The following C17orf78 variants were observed in gnomAD, a reference collection of about 807,000 sequenced individuals.
C17orf78 encodes the protein chromosome 17 open reading frame 78, also known as uncharacterized protein C17orf78.
C17orf78 carries 27 observed loss-of-function variants against 31.8 expected under a neutral mutation model. That is an observed-to-expected ratio of 0.85 (90% CI 0.63 to 1.17). The LOEUF (loss-of-function observed/expected upper bound fraction) is 1.17. C17orf78 is among the 50% of genes most tolerant of loss of function. The probability of loss-of-function intolerance (pLI) is 0.00; values close to 1 mark genes in which losing one functional copy is unlikely to be tolerated. For missense variants in C17orf78, 258 were observed against 315.2 expected (o/e 0.82, Z 1.37); for synonymous variants, 106 against 115.1 (o/e 0.92, Z 0.51).
chr17:37,388,677 T>C lies in C17orf78; in HGVS notation c.516T>C (p.Asp172=). The part of the protein sequence containing the change: ...EGEKTTSTDT[D]ENLEKRQKWS... ...CTCCCCTCTCTCCTTTAGACACAGA[T>C]GAGAACCTAGAGAAGAGACAGAAAT... The change falls in exon 5 of 7, where the codon GAT becomes GAC. Residue 172 remains aspartate, a synonymous_variant. Transcript: ENST00000615133. 6.2e-7 allele frequency: 1 copy of C among 1,611,732 alleles called. No homozygotes were observed. The highest frequency in any genetic ancestry group is 1.1e-5 in the South Asian group (1 of 90,728).
At chr17:37,380,366 G>A (rs1027344585) in intron 3 of C17orf78, among the ~76,000 whole-genome samples, 1 of 151,394 alleles carries the variant, frequency 6.6e-6, no homozygotes, top group African/African-American at 2.4e-5. Flanking sequence ...CATGGCACAT[G>A]TATACATATG....
At chr17:37,385,534 C>T (rs115557453) in intron 3 of C17orf78, among the ~76,000 whole-genome samples, 161 of 152,064 alleles carry the variant, frequency 1.1e-3, no homozygotes, top group African/African-American at 3.7e-3. Flanking sequence ...GTGGCTTTTC[C>T]TTCTTCCAGC....
rs1362168147 is a variant in C17orf78 at position 37,376,287 on chromosome 17, CT to C, written c.58+138del. 4.4e-6 allele frequency: 3 copies of C among 684,068 alleles called. No individual in the cohort carries two copies. The African/African-American group carries it at 5.3e-5, about 12-fold the overall frequency. The allele number at this position is 684,068 out of a possible 1,614,324, so 42.4% of individuals were successfully genotyped here. On this transcript the variant is annotated intron_variant, in intron 1 of 6. Coordinates refer to ENST00000615133, the MANE Select transcript of C17orf78 (RefSeq NM_173625.5). ...TTCCAGAGTTAATCCCATGTATCCA[CT>C]CGCCTCTAAGAAGGACTGCAACTTA... is the stretch of plus-strand genomic sequence containing the variant.
At chr17:37,390,334 A>ATATATATATATATATATAT (rs2050822111) in intron 6 of C17orf78, among the ~76,000 whole-genome samples, 10 of 93,394 alleles carry the variant, frequency 1.1e-4, no homozygotes, top group African/African-American at 3.2e-4. Context: ...ATATATATAT[A>ATATATATATATATATATAT]AAAGGCCAGC....
At chr17:37,381,492 T>C (rs2050256439) in intron 3 of C17orf78, among the ~76,000 whole-genome samples, 1 of 151,600 alleles carries the variant, frequency 6.6e-6, no homozygotes, top group South Asian at 2.1e-4. Context: ...GGCCAATCCC[T>C]TGCTTTTCCA....
chr17:37,381,868 C>T (rs1340343906), intron 3 of C17orf78, among the ~76,000 whole-genome samples: 1 of 151,504 alleles, frequency 6.6e-6, no homozygotes, highest in Non-Finnish European at 1.5e-5. Flanking sequence ...ACCTTGTGAT[C>T]TGCCCGCCTT....
intron 2 of C17orf78, 118 bp from the exon 3 acceptor site, chr17:37,379,019 C>T: frequency 8.1e-7 from 1 of 1,236,848 alleles, no homozygotes; most frequent in Admixed American, 2.7e-5. Flanking sequence ...CTGGAGTGAG[C>T]CATGATTGCG....
At chr17:37,388,281 T>TA (rs1203281046) in intron 4 of C17orf78, among the ~76,000 whole-genome samples, 1 of 152,190 alleles carries the variant, frequency 6.6e-6, no homozygotes, top group Non-Finnish European at 1.5e-5. Context: ...GGCGACTTTC[T>TA]AATCCCATAA....
Position 37,391,919 on chromosome 17 carries a change from G to T in C17orf78, c.*195G>T. 1 of 590,732 alleles carries T rather than the reference G, an allele frequency of 1.7e-6. No homozygotes were observed. The highest frequency in any genetic ancestry group is 2.9e-5 in the Admixed American group (1 of 33,922). The allele number at this position is 590,732 out of a possible 1,614,324, so 36.6% of individuals were successfully genotyped here. On this transcript the variant is annotated 3_prime_UTR_variant, in exon 7 of 7. Transcript: ENST00000615133. Reference sequence around the variant, plus strand: ...GCCCCTATCTGAGCCACAACCTTCTGTAATTCACTTCATACATCCATCTAA... The same window carrying T: ...GCCCCTATCTGAGCCACAACCTTCTTTAATTCACTTCATACATCCATCTAA...
chr17:37,377,920 A>C lies in C17orf78; in HGVS notation c.100A>C (p.Ile34Leu). The C allele has an allele frequency of 6.2e-7, 1 of 1,612,516 alleles. No homozygotes were observed. The highest frequency in any genetic ancestry group is 8.5e-7 in the Non-Finnish European group (1 of 1,179,414). Residue 34 changes from isoleucine (I) to leucine (L), a missense_variant, in exon 2 of 7, where the codon ATC (isoleucine) becomes CTC (leucine). By Grantham distance (5) the Ile-to-Leu change is conservative (BLOSUM62 2). Transcript: ENST00000615133. Reference sequence around the variant, plus strand: ...TTGCCGACTGGAACAGCTGCCTGGGATCTTCCCAAAAGACGTGAGAAGCAT... The same window carrying C: ...TTGCCGACTGGAACAGCTGCCTGGGCTCTTCCCAAAAGACGTGAGAAGCAT... ...SSCRLEQLPG[I>L]FPKDVRSIRE... is the part of the protein sequence containing the mutation.
chr17:37,381,808 T>C (rs2050286472), intron 3 of C17orf78, among the ~76,000 whole-genome samples: 1 of 151,704 alleles, frequency 6.6e-6, no homozygotes, highest in Admixed American at 6.6e-5. Flanking sequence ...TTTGTATTTT[T>C]GGTAGAGATG....
chr17:37,380,881 C>T (rs1466984765), intron 3 of C17orf78, among the ~76,000 whole-genome samples: 3 of 151,236 alleles, frequency 2.0e-5, no homozygotes, highest in Non-Finnish European at 4.4e-5. Context: ...CAGGCGTGAG[C>T]CACCGTGCCT....
At chr17:37,381,365 T>C (rs1268243327) in intron 3 of C17orf78, among the ~76,000 whole-genome samples, 1 of 151,878 alleles carries the variant, frequency 6.6e-6, no homozygotes, top group Non-Finnish European at 1.5e-5. Flanking sequence ...TCTGTATTTT[T>C]AGTAGAGACA....
chr17:37,376,192 G>A, intron 1 of C17orf78, 42 bp downstream of exon 1: 1 of 1,543,776 alleles, frequency 6.5e-7, no homozygotes, highest in Non-Finnish European at 9.0e-7. Flanking sequence ...AATACAGAGA[G>A]AGGCCTAGAA....
rs1449332823 is a variant in C17orf78, at chr17:37,392,680, A to G, written c.*956A>G. On this transcript the variant is annotated 3_prime_UTR_variant, in exon 7 of 7. Transcript: ENST00000615133. ...TCTCTGGTTAAAAAAAAAAATACAT[A>G]AACTGTATCCTTCTTTCTTTCACTT... is the stretch of plus-strand genomic sequence containing the variant. The G allele has an allele frequency of 6.6e-6, 1 of 152,176 alleles. No homozygotes were observed. The highest frequency in any genetic ancestry group is 2.4e-5 in the African/African-American group (1 of 41,440). The allele number at this position is 152,176 out of a possible 1,614,324, so 9.4% of individuals were successfully genotyped here.
In C17orf78 at chr17:37,379,169, A is replaced by C; in HGVS notation, c.178A>C (p.Ile60Leu). 8 of 1,613,972 alleles carry C rather than the reference A, an allele frequency of 5.0e-6. No homozygotes were observed. The highest frequency in any genetic ancestry group is 6.8e-6 in the Non-Finnish European group (8 of 1,179,874). ...THTETKRTTF[I>L]QNRTIATLQC... ...CACAGAAACCAAAAGGACAACATTC[A>C]TTCAAAACCGGACTATAGCTACCCT... Residue 60 changes from isoleucine (I) to leucine (L), a missense_variant, in exon 3 of 7, where the codon ATT becomes CTT. Coordinates refer to ENST00000615133, the MANE Select transcript of C17orf78 (RefSeq NM_173625.5).
At chr17:37,378,767 G>C (rs1333615718) in intron 2 of C17orf78, among the ~76,000 whole-genome samples, 1 of 151,174 alleles carries the variant, frequency 6.6e-6, no homozygotes, top group Non-Finnish European at 1.5e-5. Flanking sequence ...GACCACAAGA[G>C]CAAACGCTTC....
chr17:37,392,179 G>C lies in C17orf78; in HGVS notation c.*455G>C, dbSNP rs1409582140. On this transcript the variant is annotated 3_prime_UTR_variant, in exon 7 of 7. Transcript: ENST00000615133. ...GATCTCCCTGGTTGACGTTTATAAGGTTTTGTAATTTAGCTTCTGGTACTA... is the reference window on the plus strand; with the variant it reads ...GATCTCCCTGGTTGACGTTTATAAGCTTTTGTAATTTAGCTTCTGGTACTA... 5 of 164,540 alleles carry C rather than the reference G, an allele frequency of 3.0e-5. No homozygotes were observed. The highest frequency in any genetic ancestry group is 5.7e-5 in the Admixed American group (1 of 17,392). The allele number at this position is 164,540 out of a possible 1,614,324, so 10.2% of individuals were successfully genotyped here.
At chr17:37,383,807 T>TCCCCC (rs1448596229) in intron 3 of C17orf78, among the ~76,000 whole-genome samples, 4 of 152,162 alleles carry the variant, frequency 2.6e-5, no homozygotes, top group Non-Finnish European at 5.9e-5. Context: ...CAACTCAGCC[T>TCCCCC]CCCAAAGTGC....
Sources: allele counts gnomAD v4.1 joint callset (sites outside exome capture counted in the v4.1 genomes callset), GRCh38; gene constraint gnomAD v4.1.1; transcripts MANE v1.5; gene names NCBI Gene and HGNC (gene_info 2026-07-23, HGNC 2026-07-21).